PHACTR1: variants seen among roughly 807,000 people sequenced by gnomAD.
PHACTR1 encodes phosphatase and actin regulator 1.
In PHACTR1, 16 loss-of-function variants were observed where a neutral mutation model predicts 69.2. That is an observed-to-expected ratio of 0.23 (90% CI 0.16 to 0.35). The LOEUF is 0.35. PHACTR1 is among the 10% of genes least tolerant of loss of function. The pLI is 1.00. For synonymous variants in PHACTR1, 312 were observed against 284.5 expected (o/e 1.10, Z -0.97); for missense variants, 510 against 734.7 (o/e 0.69, Z 3.54).
At position 12,833,426 on chromosome 6, in the gene PHACTR1, T is replaced by G. The variant is rs550279089; in HGVS notation, c.250+83636T>G. Among the ~76,000 whole-genome samples the G allele has an allele frequency of 2.1e-4, 32 of 152,016 alleles. No homozygotes were observed. The South Asian group carries it at 4.4e-3, about 21-fold the overall frequency. The stretch of plus-strand genomic sequence containing the variant: ...GGTGCCCACCACCACACCTGGCTAA[T>G]TTTTGTATTTTTAGTTGAGACAGGG... On this transcript the variant is annotated intron_variant, in intron 4 of 14. Coordinates refer to ENST00000332995, the MANE Select transcript of PHACTR1 (RefSeq NM_030948.6).
At position 12,756,029 on chromosome 6, in the gene PHACTR1, T is replaced by C. The variant is rs140388096; in HGVS notation, c.250+6239T>C. On this transcript the variant is annotated intron_variant, in intron 4 of 14. Transcript: ENST00000332995. The stretch of plus-strand genomic sequence containing the variant: ...AACTGACAGGTTCATCACCTACCAG[T>C]CATAATAAATGCGGCAGAGGCACAT... Among the ~76,000 whole-genome samples, 531 of 152,296 alleles carry C rather than the reference T, an allele frequency of 3.5e-3. 1 individual carries two copies. The highest frequency in any genetic ancestry group is 0.012 in the African/African-American group (500 of 41,578).
chr6:12,944,787 A>ATTTATTTTTTT (rs1554172585), intron 4 of PHACTR1, among the ~76,000 whole-genome samples: 4 of 116,338 alleles, frequency 3.4e-5, no homozygotes, highest in African/African-American at 1.3e-4. Context: ...ATTTTTATTT[A>ATTTATTTTTTT]TTTTTTTTTT....
At chr6:13,281,182 ATCCAGGTCAG>A in intron 12 of PHACTR1, 1 of 1,207,688 alleles carries the variant, frequency 8.3e-7, no homozygotes, top group Non-Finnish European at 1.1e-6. Context: ...CATTAGTAAA[ATCCAGGTCAG>A]TTTCCAGGAA....
chr6:12,790,736 T>G (rs1772166909), intron 4 of PHACTR1, among the ~76,000 whole-genome samples: 1 of 152,194 alleles, frequency 6.6e-6, no homozygotes, highest in Non-Finnish European at 1.5e-5. Context: ...GAACTAGGTT[T>G]GGGAAAGGAT....
chr6:13,101,934 G>A (rs1174620461), intron 5 of PHACTR1, among the ~76,000 whole-genome samples: 3 of 152,080 alleles, frequency 2.0e-5, no homozygotes, highest in Non-Finnish European at 1.5e-5. Flanking sequence ...AGAATACTGG[G>A]TTTCCCTACA....
At chr6:13,188,080 A>G (rs927135108) in intron 7 of PHACTR1, among the ~76,000 whole-genome samples, 3 of 152,176 alleles carry the variant, frequency 2.0e-5, no homozygotes, top group Admixed American at 2.0e-4. Context: ...TTCCTGAGAG[A>G]GTAGACTCTG....
intron 4 of PHACTR1, among the ~76,000 whole-genome samples, chr6:12,830,129 G>GAAAGAAAGAAAGGAAGAAAGAAAGAAAGA (rs1777351376): frequency 7.3e-6 from 1 of 136,564 alleles, no homozygotes; most frequent in Non-Finnish European, 1.6e-5. Flanking sequence ...AAGAAAGAAA[G>GAAAGAAAGAAAGGAAGAAAGAAAGAAAGA]AAAGAAAGAA....
At chr6:12,775,665 A>G (rs1769970552) in intron 4 of PHACTR1, among the ~76,000 whole-genome samples, 1 of 152,246 alleles carries the variant, frequency 6.6e-6, no homozygotes, top group South Asian at 2.1e-4. Flanking sequence ...ACTGGTACAT[A>G]TGGGAATCTC....
In PHACTR1 at chr6:13,103,447, G is replaced by A. The variant is rs188029254; in HGVS notation, c.415+49918G>A. On this transcript the variant is annotated intron_variant, in intron 5 of 14. Coordinates refer to ENST00000332995, the MANE Select transcript of PHACTR1 (RefSeq NM_030948.6). ...CATGGTGATTATGTTACTTTTGTAAGAAGAAATTATTCTTGAAATAACAGA... is the reference window on the plus strand; with the variant it reads ...CATGGTGATTATGTTACTTTTGTAAAAAGAAATTATTCTTGAAATAACAGA... Among the ~76,000 whole-genome samples the A allele has an allele frequency of 1.3e-3, 202 of 152,242 alleles. 4 individuals are homozygous for A. Among genetic ancestry groups the A allele is most frequent in the Admixed American group, 0.013 (202 of 15,286 alleles).
At chr6:13,033,801 T>C (rs1412884349) in intron 4 of PHACTR1, among the ~76,000 whole-genome samples, 1 of 152,184 alleles carries the variant, frequency 6.6e-6, no homozygotes, top group Non-Finnish European at 1.5e-5. Flanking sequence ...TCCTGTCCCA[T>C]AGAGTGCCCT....
At chr6:13,175,461 C>T (rs1761193689) in intron 6 of PHACTR1, among the ~76,000 whole-genome samples, 1 of 152,166 alleles carries the variant, frequency 6.6e-6, no homozygotes, top group African/African-American at 2.4e-5. Flanking sequence ...GCCAGGATAA[C>T]AGGGCTCTCC....
At chr6:13,145,734 G>A (rs1311349292) in intron 5 of PHACTR1, among the ~76,000 whole-genome samples, 13 of 152,174 alleles carry the variant, frequency 8.5e-5, no homozygotes, top group Admixed American at 8.5e-4. Flanking sequence ...CAAGAAGGCA[G>A]CCATCCGCAA....
chr6:13,091,503 C>A (rs1366992589), intron 5 of PHACTR1, among the ~76,000 whole-genome samples: 1 of 152,090 alleles, frequency 6.6e-6, no homozygotes, highest in Non-Finnish European at 1.5e-5. Flanking sequence ...GCACCAGGGA[C>A]CAGTTGTGTG....
intron 4 of PHACTR1, among the ~76,000 whole-genome samples, chr6:12,953,339 A>G (rs1442366887): frequency 5.3e-5 from 8 of 152,190 alleles, no homozygotes; most frequent in African/African-American, 1.9e-4. Context: ...AAATAAATAC[A>G]TAAAAATAAA....
At chr6:12,952,538 C>A (rs1367333611) in intron 4 of PHACTR1, among the ~76,000 whole-genome samples, 1 of 152,188 alleles carries the variant, frequency 6.6e-6, no homozygotes, top group Non-Finnish European at 1.5e-5. Context: ...CATGTCTTTT[C>A]ACGGCTTGAG....
At chr6:13,228,848 G>A (rs79234993) in intron 9 of PHACTR1, among the ~76,000 whole-genome samples, 1,718 of 152,286 alleles carry the variant, frequency 0.011, 14 homozygotes, top group Non-Finnish European at 0.019. Context: ...GGTTTGATGC[G>A]GGCTCTGTCA....
intron 6 of PHACTR1, among the ~76,000 whole-genome samples, chr6:13,165,869 G>C (rs909518622): frequency 3.4e-4 from 50 of 146,982 alleles, no homozygotes; most frequent in African/African-American, 1.2e-3. Context: ...AGGCCTCTCT[G>C]TGGCATTTGC....
At chr6:13,260,055 A>AG (rs1341805943) in intron 10 of PHACTR1, among the ~76,000 whole-genome samples, 1 of 152,226 alleles carries the variant, frequency 6.6e-6, no homozygotes, top group African/African-American at 2.4e-5. Context: ...GCACAACTCC[A>AG]GGGGCGAGAG....
In PHACTR1 at chr6:13,124,335, T is replaced by C. The variant is rs116234760; in HGVS notation, c.416-35869T>C. 9.0e-3 allele frequency among the ~76,000 whole-genome samples: 1,362 copies of C among 152,168 alleles called. 12 individuals carry two copies. The highest frequency in any genetic ancestry group is 0.016 in the Non-Finnish European group (1,056 of 67,990). ...TGTCACTGAAGGCTATAATAACATC[T>C]GTTTCCATTTATTTTCTGAAATGAG... On this transcript the variant is annotated intron_variant, in intron 5 of 14. Coordinates refer to ENST00000332995, the MANE Select transcript of PHACTR1 (RefSeq NM_030948.6).
Sources: allele counts gnomAD v4.1 joint callset (sites outside exome capture counted in the v4.1 genomes callset), GRCh38; gene constraint gnomAD v4.1.1; transcripts MANE v1.5; gene names NCBI Gene and HGNC (gene_info 2026-07-23, HGNC 2026-07-21).